The following CTNNBL1 variants were observed in gnomAD, a reference collection of about 807,000 sequenced individuals.
The protein encoded by CTNNBL1 is catenin beta like 1.
CTNNBL1 carries 31 observed loss-of-function variants against 72.7 expected under a neutral mutation model. That is an observed-to-expected ratio of 0.43 (90% confidence interval 0.32 to 0.58). The LOEUF (loss-of-function observed/expected upper bound fraction) is 0.58, where lower values mean the gene tolerates loss of function less well. CTNNBL1 is among the 20% of genes least tolerant of loss of function. The pLI is 0.08. For missense variants in CTNNBL1, 534 were observed against 725.1 expected (o/e 0.74, Z 3.03); for synonymous variants, 240 against 267.3 (o/e 0.90, Z 1.00).
At chr20:37,716,688 G>C (rs1037698911) in intron 1 of CTNNBL1, among the ~76,000 whole-genome samples, 1 of 152,170 alleles carries the variant, frequency 6.6e-6, no homozygotes, top group African/African-American at 2.4e-5. Context: ...CATAACACCA[G>C]ACACTTCATT....
At chr20:37,740,254 T>C (rs1040616929) in intron 3 of CTNNBL1, among the ~76,000 whole-genome samples, 1 of 152,218 alleles carries the variant, frequency 6.6e-6, no homozygotes, top group Non-Finnish European at 1.5e-5. Flanking sequence ...CCTTGAGTTC[T>C]TGAATTCTCA....
At chr20:37,815,071 C>CTG (rs540541570) in intron 11 of CTNNBL1, among the ~76,000 whole-genome samples, 87 of 74,740 alleles carry the variant, frequency 1.2e-3, no homozygotes, top group African/African-American at 4.9e-3. Flanking sequence ...GTTAGGGACT[C>CTG]TGTGAGTGTG....
At chr20:37,871,603 G>A (rs2072585114) in intron 15 of CTNNBL1, among the ~76,000 whole-genome samples, 3 of 152,164 alleles carry the variant, frequency 2.0e-5, no homozygotes, top group Admixed American at 2.0e-4. Flanking sequence ...ATGCGTTGAG[G>A]ATGAGGTTTC....
intron 7 of CTNNBL1, 59 bp from the exon 8 acceptor site, chr20:37,777,286 T>C: frequency 7.3e-7 from 1 of 1,367,194 alleles, no homozygotes; most frequent in African/African-American, 1.4e-5. Flanking sequence ...GAAAAATTTG[T>C]CCTGGGGAAG....
intron 5 of CTNNBL1, among the ~76,000 whole-genome samples, chr20:37,764,177 T>G (rs2073443300): frequency 6.6e-6 from 1 of 152,184 alleles, no homozygotes; most frequent in Admixed American, 6.5e-5. Flanking sequence ...TATCCCCATT[T>G]CATAAGTGAG....
chr20:37,704,770 A>G (rs963203126), intron 1 of CTNNBL1, among the ~76,000 whole-genome samples: 9 of 151,990 alleles, frequency 5.9e-5, no homozygotes, highest in African/African-American at 2.2e-4. Context: ...TACTTTTATC[A>G]TTGTGGATCT....
chr20:37,709,821 G>T, intron 1 of CTNNBL1, among the ~76,000 whole-genome samples: 1 of 152,232 alleles, frequency 6.6e-6, no homozygotes, highest in East Asian at 1.9e-4. Context: ...GGCACAGATT[G>T]TATTGAATTG....
chr20:37,846,829 C>T (rs958900370), intron 13 of CTNNBL1, among the ~76,000 whole-genome samples: 2 of 152,134 alleles, frequency 1.3e-5, no homozygotes, highest in South Asian at 2.1e-4. Flanking sequence ...AGTAAAATGT[C>T]GCCTCCTCAG....
chr20:37,757,793 G>C, intron 5 of CTNNBL1, 137 bp downstream of exon 5: 1 of 625,314 alleles, frequency 1.6e-6, no homozygotes, highest in Non-Finnish European at 2.9e-6. Flanking sequence ...TGAATAAGGA[G>C]AGTAAAAAAG....
intron 1 of CTNNBL1, among the ~76,000 whole-genome samples, chr20:37,715,206 G>C (rs2072975501): frequency 6.6e-6 from 1 of 152,192 alleles, no homozygotes. Context: ...TGATGTCATA[G>C]AAAGAGCCTT....
At chr20:37,847,159 C>T (rs1455247762) in intron 13 of CTNNBL1, among the ~76,000 whole-genome samples, 1 of 152,196 alleles carries the variant, frequency 6.6e-6, no homozygotes, top group Non-Finnish European at 1.5e-5. Flanking sequence ...TATTTAAGTA[C>T]AGTTCTGTGG....
At chr20:37,794,620 G>C (rs1376672866) in intron 10 of CTNNBL1, among the ~76,000 whole-genome samples, 1 of 151,932 alleles carries the variant, frequency 6.6e-6, no homozygotes, top group African/African-American at 2.4e-5. Flanking sequence ...AACTTCTTGA[G>C]TAGCTGGGAT....
intron 11 of CTNNBL1, among the ~76,000 whole-genome samples, chr20:37,834,534 G>A (rs879925445): frequency 3.9e-5 from 6 of 152,192 alleles, no homozygotes; most frequent in Admixed American, 1.3e-4. Flanking sequence ...CATAGTGTCT[G>A]TCTTTTGGGC....
intron 13 of CTNNBL1, among the ~76,000 whole-genome samples, chr20:37,842,900 T>A (rs933723177): frequency 1.3e-5 from 2 of 152,194 alleles, no homozygotes; most frequent in Non-Finnish European, 2.9e-5. Flanking sequence ...GAACGGAAGC[T>A]CAGATGCATT....
intron 5 of CTNNBL1, among the ~76,000 whole-genome samples, chr20:37,758,336 A>G (rs1163355638): frequency 6.6e-6 from 1 of 152,164 alleles, no homozygotes; most frequent in East Asian, 1.9e-4. Context: ...TTCCTTAGCT[A>G]TTGATCCACA....
intron 11 of CTNNBL1, among the ~76,000 whole-genome samples, chr20:37,830,462 T>C (rs776420845): frequency 6.6e-6 from 1 of 152,128 alleles, no homozygotes; most frequent in Non-Finnish European, 1.5e-5. Flanking sequence ...TTTTAAAACT[T>C]CAACAGAGGT....
intron 1 of CTNNBL1, among the ~76,000 whole-genome samples, chr20:37,720,021 A>T (rs1223899502): frequency 2.0e-4 from 28 of 138,664 alleles, no homozygotes; most frequent in South Asian, 7.2e-4. Flanking sequence ...TAATTTTTTT[A>T]AAATTTATTT....
intron 1 of CTNNBL1, among the ~76,000 whole-genome samples, chr20:37,709,737 G>A (rs1389888846): frequency 2.0e-5 from 3 of 152,164 alleles, no homozygotes; most frequent in Non-Finnish European, 2.9e-5. Context: ...AGGAGGACAC[G>A]AAAAAGACAT....
At chr20:37,694,833 C>T (rs947402394) in intron 1 of CTNNBL1, 5 of 152,334 alleles carry the variant, frequency 3.3e-5, no homozygotes, top group African/African-American at 1.2e-4. Context: ...GCAGAAAGGG[C>T]TTGTCCAAAG....
Sources: allele counts gnomAD v4.1 joint callset (sites outside exome capture counted in the v4.1 genomes callset), GRCh38; gene constraint gnomAD v4.1.1; transcripts MANE v1.5; gene names NCBI Gene and HGNC (gene_info 2026-07-23, HGNC 2026-07-21).